TRAK2: variants seen among roughly 807,000 people sequenced by gnomAD.
TRAK2 encodes trafficking kinesin protein 2.
TRAK2 carries 81 observed loss-of-function variants against 104.6 expected under a neutral mutation model. The observed-to-expected ratio is 0.77, with a 90% CI of 0.65 to 0.93. The LOEUF is 0.93. Among genes scored for constraint, TRAK2 ranks in the 40% least tolerant of loss-of-function variants. TRAK2 has a pLI of 0.00. For missense variants in TRAK2, 1,002 were observed against 1,089.0 expected (o/e 0.92, Z 1.12); for synonymous variants, 406 against 394.4 (o/e 1.03, Z -0.35).
In TRAK2 at chr2:201,392,919, G is replaced by A; in HGVS notation, c.1103C>T (p.Ala368Val). ...AHLYFSQSYG[A>V]FTGESLAAEI... is the part of the protein sequence containing the mutation. ...TTCTTAGTTGCTTACCCCAGTAAAA[G>A]CTCCATATGATTGGGAGAAGTAGAG... The change falls in exon 10 of 16, where the codon GCT (alanine) becomes GTT (valine). Residue 368 changes from alanine (A) to valine (V), a missense_variant. By Grantham distance (64) the Ala-to-Val change is moderately conservative. Transcript: ENST00000332624. 1 of 1,610,628 alleles carries A rather than the reference G, an allele frequency of 6.2e-7. No individual in the cohort carries two copies. The highest frequency in any genetic ancestry group is 8.5e-7 in the Non-Finnish European group (1 of 1,178,874).
At chr2:201,434,270 A>C (rs772834398) in intron 1 of TRAK2, among the ~76,000 whole-genome samples, 40 of 152,060 alleles carry the variant, frequency 2.6e-4, no homozygotes, top group Non-Finnish European at 1.2e-4. Flanking sequence ...AATCATTCTT[A>C]TCGTCCAATG....
chr2:201,407,293 G>C, intron 3 of TRAK2, 110 bp downstream of exon 3: 1 of 872,648 alleles, frequency 1.1e-6, no homozygotes, highest in South Asian at 1.6e-5. Context: ...AATAAAAGTA[G>C]GTATACACTG....
chr2:201,444,096 G>C (rs1310506673), intron 1 of TRAK2, among the ~76,000 whole-genome samples: 1 of 152,054 alleles, frequency 6.6e-6, no homozygotes, highest in East Asian at 1.9e-4. Context: ...GGCTACTTGG[G>C]AGCCTGAGGC....
intron 1 of TRAK2, among the ~76,000 whole-genome samples, chr2:201,424,101 A>C (rs1276556361): frequency 1.3e-5 from 2 of 152,226 alleles, no homozygotes; most frequent in Non-Finnish European, 2.9e-5. Context: ...ACCAGTCACT[A>C]TAAAGGAAAT....
At chr2:201,426,336 C>T (rs1343441537) in intron 1 of TRAK2, among the ~76,000 whole-genome samples, 1 of 152,190 alleles carries the variant, frequency 6.6e-6, no homozygotes, top group Non-Finnish European at 1.5e-5. Flanking sequence ...TCACTCTCTC[C>T]CATCACCTCC....
chr2:201,442,978 T>C (rs1291296047), intron 1 of TRAK2, among the ~76,000 whole-genome samples: 1 of 152,206 alleles, frequency 6.6e-6, no homozygotes, highest in Non-Finnish European at 1.5e-5. Flanking sequence ...AACAGTCCTA[T>C]TCCTGCCTTC....
At chr2:201,423,688 T>A (rs547487662) in intron 1 of TRAK2, 1 of 152,324 alleles carries the variant, frequency 6.6e-6, no homozygotes, top group Admixed American at 6.5e-5. Context: ...TTCACTGAAT[T>A]ATACACTTTA....
Position 201,420,392 on chromosome 2 carries a change from T to G in TRAK2, c.91+25A>C, listed in dbSNP as rs1164250494. On this transcript the variant is annotated intron_variant, in intron 2 of 15. Transcript: ENST00000332624. ...ATTTTCTCCTATAAGCGATAGCACTTCAATATTTATTAAACTGGACTTACC... is the reference window on the plus strand; with the variant it reads ...ATTTTCTCCTATAAGCGATAGCACTGCAATATTTATTAAACTGGACTTACC... The G allele has an allele frequency of 3.8e-6, 6 of 1,598,990 alleles. No individual in the cohort carries two copies. The South Asian group carries it at 6.6e-5, about 18-fold the overall frequency.
intron 1 of TRAK2, among the ~76,000 whole-genome samples, chr2:201,436,091 C>T (rs1334969952): frequency 2.0e-5 from 3 of 151,866 alleles, no homozygotes; most frequent in African/African-American, 7.3e-5. Flanking sequence ...ATATAGTTAC[C>T]ATATTTTTTA....
At chr2:201,434,609 T>A (rs925273789) in intron 1 of TRAK2, among the ~76,000 whole-genome samples, 6 of 152,140 alleles carry the variant, frequency 3.9e-5, no homozygotes, top group Admixed American at 3.9e-4. Flanking sequence ...CCTATAGATT[T>A]ATACCCTAAA....
intron 1 of TRAK2, among the ~76,000 whole-genome samples, chr2:201,432,782 T>G (rs142896511): frequency 6.6e-6 from 1 of 152,338 alleles, no homozygotes; most frequent in African/African-American, 2.4e-5. Flanking sequence ...AGTTCACCTC[T>G]GCTGGGCGTA....
At chr2:201,381,403 GATTA>G (rs1951344730) in intron 15 of TRAK2, among the ~76,000 whole-genome samples, 185 bp from the exon 16 acceptor site, 1 of 152,120 alleles carries the variant, frequency 6.6e-6, no homozygotes, top group African/African-American at 2.4e-5. Context: ...ATACTTCAAT[GATTA>G]ATTATTTGTA....
intron 1 of TRAK2, among the ~76,000 whole-genome samples, chr2:201,448,426 A>G (rs1951982523): frequency 6.6e-6 from 1 of 152,268 alleles, no homozygotes; most frequent in Non-Finnish European, 1.5e-5. Flanking sequence ...TATCTAACAC[A>G]TAGTATTACA....
At position 201,420,975 on chromosome 2, in the gene TRAK2, C is replaced by T. The variant is rs951101875; in HGVS notation, c.-199-269G>A. Among the ~76,000 whole-genome samples, 9 of 152,108 alleles carry T rather than the reference C, an allele frequency of 5.9e-5. No individual in the cohort carries two copies. In the South Asian group the frequency reaches 1.9e-3, roughly 32 times the overall value. The stretch of plus-strand genomic sequence containing the variant: ...AGTTAAGGGAGGAATTACTAAGGGG[C>T]AGGAGAAAAGTTTTTGGAATGATGA... On this transcript the variant is annotated intron_variant, in intron 1 of 15. Transcript: ENST00000332624.
intron 3 of TRAK2, among the ~76,000 whole-genome samples, chr2:201,403,590 T>C (rs980471149): frequency 1.3e-5 from 2 of 152,178 alleles, no homozygotes; most frequent in East Asian, 3.8e-4. Context: ...CTTTTTAAAG[T>C]GTGAGCATAT....
intron 1 of TRAK2, among the ~76,000 whole-genome samples, chr2:201,438,827 G>C (rs1438152917): frequency 1.3e-5 from 2 of 152,196 alleles, no homozygotes; most frequent in Non-Finnish European, 2.9e-5. Flanking sequence ...TGTATTTACA[G>C]TGAGGCAGAA....
chr2:201,423,028 A>ACACCAC (rs1182925352), intron 1 of TRAK2, among the ~76,000 whole-genome samples: 1 of 138,222 alleles, frequency 7.2e-6, no homozygotes, highest in African/African-American at 2.9e-5. Flanking sequence ...AACAACAGCA[A>ACACCAC]CACCACCACC....
intron 2 of TRAK2, chr2:201,411,701 T>G: frequency 1.3e-6 from 1 of 780,264 alleles, no homozygotes; most frequent in Non-Finnish European, 2.4e-6. Context: ...CCATGAGGAC[T>G]GCAGACTCTT....
chr2:201,439,985 A>C (rs915421899), intron 1 of TRAK2, among the ~76,000 whole-genome samples: 1 of 149,006 alleles, frequency 6.7e-6, no homozygotes, highest in Non-Finnish European at 1.5e-5. Flanking sequence ...CCTAATGCTA[A>C]ATGATGAGTT....
Sources: allele counts gnomAD v4.1 joint callset (sites outside exome capture counted in the v4.1 genomes callset), GRCh38; gene constraint gnomAD v4.1.1; transcripts MANE v1.5; gene names NCBI Gene and HGNC (gene_info 2026-07-23, HGNC 2026-07-21).